Variants in KALRN observed in about 807,000 individuals in gnomAD.
KALRN encodes kalirin RhoGEF kinase, also known as kalirin.
A neutral mutation model predicts 353.7 loss-of-function variants in KALRN; 70 were observed. That is an observed-to-expected ratio of 0.20 (90% CI 0.16 to 0.24). The LOEUF is 0.24. Among genes scored for constraint, KALRN ranks in the 10% least tolerant of loss-of-function variants. The pLI, the probability that KALRN is intolerant of heterozygous loss-of-function variation, is 1.00. For missense variants in KALRN, 2,791 were observed against 3,756.7 expected (o/e 0.74, Z 6.72); for synonymous variants, 1,391 against 1,434.8 (o/e 0.97, Z 0.69).
rs1443108868 is a variant in KALRN at position 124,446,615 on chromosome 3, A to C, written c.3430-148A>C. On this transcript the variant is annotated intron_variant, in intron 20 of 59. Transcript: ENST00000682506. ...AAGCAAGGGAGGGCTCATTCATAAAAAAAAACTCCAGAGCTACATACCAAT... is the reference window on the plus strand; with the variant it reads ...AAGCAAGGGAGGGCTCATTCATAAACAAAAACTCCAGAGCTACATACCAAT... 4 of 1,000,636 alleles carry C rather than the reference A, an allele frequency of 4.0e-6. No homozygotes were observed. The African/African-American group carries it at 6.5e-5, about 16-fold the overall frequency. 62.0% of individuals were successfully genotyped at this position (1,000,636 alleles called of 1,614,324 possible).
At chr3:124,255,754 G>A (rs915291026) in intron 3 of KALRN, among the ~76,000 whole-genome samples, 1 of 152,144 alleles carries the variant, frequency 6.6e-6, no homozygotes, top group Non-Finnish European at 1.5e-5. Context: ...GGGAGGGAAT[G>A]TATCTGTAAG....
At chr3:124,456,109 G>C (rs2059284548) in intron 22 of KALRN, among the ~76,000 whole-genome samples, 1 of 152,188 alleles carries the variant, frequency 6.6e-6, no homozygotes, top group African/African-American at 2.4e-5. Flanking sequence ...GCAGGGATGA[G>C]CAATGAGAAA....
intron 1 of KALRN, among the ~76,000 whole-genome samples, chr3:124,127,514 G>T (rs2064824848): frequency 1.3e-5 from 2 of 152,082 alleles, no homozygotes; most frequent in South Asian, 4.1e-4. Flanking sequence ...TGCTTTGCTT[G>T]ATATTACCCA....
chr3:124,417,661 G>T (rs2092581506), intron 14 of KALRN, among the ~76,000 whole-genome samples: 1 of 152,196 alleles, frequency 6.6e-6, no homozygotes, highest in African/African-American at 2.4e-5. Context: ...ATAAAGGCTA[G>T]AATACAAAAG....
chr3:124,438,840 A>T, intron 17 of KALRN, 48 bp from the exon 18 acceptor site: 1 of 1,561,146 alleles, frequency 6.4e-7, no homozygotes, highest in Non-Finnish European at 8.8e-7. Context: ...TCAGAGAATA[A>T]TTCCTGAATA....
intron 5 of KALRN, among the ~76,000 whole-genome samples, chr3:124,285,102 C>T (rs761329280): frequency 6.6e-6 from 1 of 152,200 alleles, no homozygotes; most frequent in Non-Finnish European, 1.5e-5. Context: ...CAAATCTCTC[C>T]TCAATTTCGT....
intron 51 of KALRN, among the ~76,000 whole-genome samples, chr3:124,689,467 T>C (rs779369101): frequency 1.3e-5 from 2 of 152,192 alleles, no homozygotes; most frequent in Non-Finnish European, 2.9e-5. Context: ...CCTCCCAAAG[T>C]ACTGGGATTA....
At chr3:124,066,330 T>C (rs1371400510) in intron 1 of KALRN, among the ~76,000 whole-genome samples, 3 of 152,168 alleles carry the variant, frequency 2.0e-5, no homozygotes, top group Non-Finnish European at 4.4e-5. Flanking sequence ...CCTGAATATG[T>C]TGAGTTGCAT....
rs763136486 is a variant in KALRN, at chr3:124,496,234, C to T, written c.4833-77C>T. 107 of 1,092,138 alleles carry T rather than the reference C, an allele frequency of 9.8e-5. 1 individual carries two copies. Among genetic ancestry groups the T allele is most frequent in the African/African-American group, 1.9e-4 (12 of 64,676 alleles). The allele number at this position is 1,092,138 out of a possible 1,614,324, so 67.7% of individuals were successfully genotyped here. ...TGAGGCGCTGCTCTGCCCACCCAAC[C>T]GGAAATCCTTGTGTGCTCTAAACCC... On this transcript the variant is annotated intron_variant, in intron 32 of 59. Coordinates refer to ENST00000682506, the MANE Select transcript of KALRN (RefSeq NM_001388419.1).
chr3:124,098,128 T>G (rs765777757), intron 1 of KALRN, among the ~76,000 whole-genome samples: 30 of 152,206 alleles, frequency 2.0e-4, no homozygotes, highest in Non-Finnish European at 4.1e-4. Context: ...ATGGGAAGAA[T>G]GAAAGACTGC....
intron 8 of KALRN, among the ~76,000 whole-genome samples, chr3:124,331,586 G>A (rs976016529): frequency 3.3e-5 from 5 of 152,126 alleles, no homozygotes; most frequent in Non-Finnish European, 7.3e-5. Flanking sequence ...GGACTTACAA[G>A]CCAAATCTGA....
intron 5 of KALRN, among the ~76,000 whole-genome samples, chr3:124,292,532 C>T (rs1284205239): frequency 6.6e-6 from 1 of 152,116 alleles, no homozygotes; most frequent in African/African-American, 2.4e-5. Context: ...GGCACCAGTG[C>T]CCTCAGGCAG....
intron 59 of KALRN, 116 bp from the exon 60 acceptor site, chr3:124,718,809 C>CA: frequency 2.1e-6 from 2 of 968,544 alleles, no homozygotes; most frequent in Non-Finnish European, 3.1e-6. Context: ...TTCTGTACAC[C>CA]ATAGGCTTTA....
intron 1 of KALRN, among the ~76,000 whole-genome samples, chr3:124,104,494 C>A (rs1168013341): frequency 7.2e-6 from 1 of 139,294 alleles, no homozygotes; most frequent in Non-Finnish European, 1.5e-5. Context: ...ATCAGACTGC[C>A]TGGAGCATCT....
intron 1 of KALRN, among the ~76,000 whole-genome samples, chr3:124,210,585 G>A (rs1041585742): frequency 6.6e-6 from 1 of 152,066 alleles, no homozygotes; most frequent in African/African-American, 2.4e-5. Flanking sequence ...TATCTGGCTC[G>A]TTTATTTTAC....
chr3:124,366,159 A>C lies in KALRN; in HGVS notation c.1771-18686A>C, dbSNP rs114062935. Among the ~76,000 whole-genome samples the C allele has an allele frequency of 7.5e-3, 1,146 of 152,136 alleles. 16 individuals are homozygous for C. The highest frequency in any genetic ancestry group is 0.026 in the African/African-American group (1,080 of 41,496). On this transcript the variant is annotated intron_variant, in intron 10 of 59. Coordinates refer to ENST00000682506, the MANE Select transcript of KALRN (RefSeq NM_001388419.1). ...TGTAATGTCTGATGGGGCTACAGAG[A>C]CATTTTATATGTTTTGTGATTGTAT...
At chr3:124,629,149 G>A (rs1033755519) in intron 34 of KALRN, among the ~76,000 whole-genome samples, 3 of 152,130 alleles carry the variant, frequency 2.0e-5, no homozygotes, top group Non-Finnish European at 4.4e-5. Flanking sequence ...AGCTGGTCAG[G>A]TATTCTCCCA....
intron 34 of KALRN, among the ~76,000 whole-genome samples, chr3:124,572,859 G>C (rs996479629): frequency 2.0e-5 from 3 of 151,986 alleles, no homozygotes; most frequent in Non-Finnish European, 4.4e-5. Context: ...GCAACAGAGC[G>C]AGACCCCGTC....
chr3:124,421,499 G>GAGGTAGGTAGCTTATGAGGT, intron 14 of KALRN, among the ~76,000 whole-genome samples: 1 of 152,158 alleles, frequency 6.6e-6, no homozygotes, highest in South Asian at 2.1e-4. Context: ...ACAAGTTTAG[G>GAGGTAGGTAGCTTATGAGGT]AGGTAGGTAG....
Sources: allele counts gnomAD v4.1 joint callset (sites outside exome capture counted in the v4.1 genomes callset), GRCh38; gene constraint gnomAD v4.1.1; transcripts MANE v1.5; gene names NCBI Gene and HGNC (gene_info 2026-07-23, HGNC 2026-07-21).